Variants in EIF2AK4 observed in about 807,000 individuals in gnomAD.
EIF2AK4 encodes the protein eukaryotic translation initiation factor 2 alpha kinase 4.
Under a neutral mutation model 211.1 loss-of-function variants are expected in EIF2AK4, and 139 were observed. That is an observed-to-expected ratio of 0.66 (90% confidence interval 0.57 to 0.76). The LOEUF is 0.76. Among genes scored for constraint, EIF2AK4 ranks in the 30% least tolerant of loss-of-function variants. EIF2AK4 has a pLI of 0.00. For synonymous variants in EIF2AK4, 710 were observed against 751.3 expected, an observed-to-expected ratio of 0.94 and a Z score of 0.90; for missense variants, 1,664 against 2,043.8, an observed-to-expected ratio of 0.81 and a Z score of 3.58.
intron 32 of EIF2AK4, 23 bp from the exon 33 acceptor site, chr15:40,025,950 TGATA>T (rs1371023271): frequency 6.2e-7 from 1 of 1,606,950 alleles, no homozygotes; most frequent in Admixed American, 1.7e-5. Context: ...AACCTCCAAA[TGATA>T]GATCCGTTTC....
intron 27 of EIF2AK4, among the ~76,000 whole-genome samples, chr15:40,015,067 AC>A (rs2035286508): frequency 1.3e-5 from 2 of 152,236 alleles, no homozygotes; most frequent in Admixed American, 6.5e-5. Context: ...GATTTCATTG[AC>A]CACATCATTA....
At chr15:39,977,972 G>C (rs1417888045) in intron 12 of EIF2AK4, 106 bp from the exon 13 acceptor site, 1 of 685,542 alleles carries the variant, frequency 1.5e-6, no homozygotes, top group African/African-American at 1.8e-5. Flanking sequence ...TGGGCTCATG[G>C]TGTGATGTCT....
At chr15:39,973,315 T>C (rs1022762313) in intron 10 of EIF2AK4, among the ~76,000 whole-genome samples, 18 of 152,196 alleles carry the variant, frequency 1.2e-4, no homozygotes, top group African/African-American at 4.1e-4. Context: ...CGGTAGAGAT[T>C]GGGATGGATC....
At chr15:40,012,317 G>A (rs1204272217) in intron 27 of EIF2AK4, among the ~76,000 whole-genome samples, 6 of 152,186 alleles carry the variant, frequency 3.9e-5, no homozygotes, top group Admixed American at 6.5e-5. Flanking sequence ...AGGGCACACG[G>A]AAACCAGAGT....
chr15:40,015,329 A>G (rs1279026333), intron 27 of EIF2AK4, among the ~76,000 whole-genome samples: 1 of 152,216 alleles, frequency 6.6e-6, no homozygotes, highest in Non-Finnish European at 1.5e-5. Context: ...AAGAGGTTTA[A>G]TGAACTCACA....
chr15:39,990,461 G>T, intron 16 of EIF2AK4, 84 bp downstream of exon 16: 5 of 1,159,742 alleles, frequency 4.3e-6, no homozygotes, highest in South Asian at 1.3e-5. Context: ...ATAGAATAGT[G>T]CGTTCACAGA....
intron 36 of EIF2AK4, 144 bp from the exon 37 acceptor site, chr15:40,032,613 G>A (rs1160602553): frequency 5.7e-6 from 4 of 696,120 alleles, no homozygotes; most frequent in Non-Finnish European, 9.7e-6. Context: ...TCTTATCACT[G>A]CACAGTTCAT....
rs1413625185 is a variant in EIF2AK4, at chr15:40,017,138, G to A, written c.3961G>A (p.Val1321Met). Residue 1321 changes from valine (V) to methionine (M), a missense_variant, in exon 29 of 39, where the codon GTG becomes ATG. Physicochemically the swap from Val to Met is conservative, Grantham distance 21. This residue lies in a region of EIF2AK4 where 622 missense variants were observed against 796.8 expected (regional missense o/e 0.78). Transcript: ENST00000263791. ...VLINLGLVYK[V>M]QQHNGIIFQF... ...GATCAATTTGGGCTTGGTTTACAAGGTGCAGCAGCACAATGGAATCATCTT... is the reference window on the plus strand; with the variant it reads ...GATCAATTTGGGCTTGGTTTACAAGATGCAGCAGCACAATGGAATCATCTT... 1.9e-6 allele frequency: 3 copies of A among 1,613,782 alleles called. No homozygotes were observed. Among genetic ancestry groups the A allele is most frequent in the Non-Finnish European group, 2.5e-6 (3 of 1,179,848 alleles).
At chr15:39,935,071 C>T (rs1018226352) in intron 1 of EIF2AK4, among the ~76,000 whole-genome samples, 1 of 152,132 alleles carries the variant, frequency 6.6e-6, no homozygotes, top group African/African-American at 2.4e-5. Flanking sequence ...AAAAAAACCT[C>T]AATGTTTTAA....
rs764501034 is a variant in EIF2AK4 at position 39,976,686 on chromosome 15, G to C, written c.2091G>C (p.Glu697Asp). 1.2e-6 allele frequency: 2 copies of C among 1,601,614 alleles called. No individual in the cohort carries two copies. The highest frequency in any genetic ancestry group is 1.7e-6 in the Non-Finnish European group (2 of 1,177,428). The change falls in exon 12 of 39, where the codon GAG becomes GAC. Residue 697 changes from glutamate (E) to aspartate (D), a missense_variant. Physicochemically the swap from Glu to Asp is conservative, Grantham distance 45. Coordinates refer to ENST00000263791, the MANE Select transcript of EIF2AK4 (RefSeq NM_001013703.4). ...ASDTDGLDSV[E>D]AAAPPPILSS... ...ACACAGACGGCCTGGACAGCGTAGA[G>C]GCCGCCGCGCCGCCACCCATCCTCA...
At chr15:39,977,016 C>T (rs1247075113) in intron 12 of EIF2AK4, 172 bp downstream of exon 12, 1 of 774,260 alleles carries the variant, frequency 1.3e-6, no homozygotes, top group Non-Finnish European at 1.8e-6. Flanking sequence ...AGTGGCGCGT[C>T]CTTGGCTGCA....
rs1385806455 is a variant in EIF2AK4, at chr15:39,969,784, G to A, written c.1553+1905G>A. Among the ~76,000 whole-genome samples, 3 of 152,240 alleles carry A rather than the reference G, an allele frequency of 2.0e-5. No homozygotes were observed. The East Asian group carries it at 5.8e-4, about 29-fold the overall frequency. On this transcript the variant is annotated intron_variant, in intron 9 of 38. Transcript: ENST00000263791. The stretch of plus-strand genomic sequence containing the variant: ...CTGTTTTTATGAACTTTGCTGTCCA[G>A]CCCTGGTTAACAAAAGAAAAATGCC...
chr15:39,974,387 T>G (rs1479534780), intron 11 of EIF2AK4: 5 of 152,260 alleles, frequency 3.3e-5, no homozygotes, highest in Non-Finnish European at 5.9e-5. Flanking sequence ...TAAGTCCATA[T>G]ACAGTACATG....
intron 7 of EIF2AK4, among the ~76,000 whole-genome samples, chr15:39,963,135 A>G (rs2034495714): frequency 6.6e-6 from 1 of 152,230 alleles, no homozygotes; most frequent in East Asian, 1.9e-4. Context: ...GCAGACACAC[A>G]GCAGCCTGGA....
chr15:40,020,994 C>T lies in EIF2AK4; in HGVS notation c.4269C>T (p.Gly1423=). 1 of 1,613,754 alleles carries T rather than the reference C, an allele frequency of 6.2e-7. No homozygotes were observed. The highest frequency in any genetic ancestry group is 8.5e-7 in the Non-Finnish European group (1 of 1,179,860). ...TAACCCAGAAACTCTGGACAGCAGG[C>T]ATCACAGCAGAAATCATGTACGACT... ...INLTQKLWTA[G]ITAEIMYDWS... Residue 1423 remains glycine, a synonymous_variant, in exon 31 of 39, where the codon GGC becomes GGT. Coordinates refer to ENST00000263791, the MANE Select transcript of EIF2AK4 (RefSeq NM_001013703.4).
chr15:39,976,604 C>G lies in EIF2AK4; in HGVS notation c.2009C>G (p.Pro670Arg). Residue 670 changes from proline (P) to arginine (R), a missense_variant, in exon 12 of 39, where the codon CCG becomes CGG. By Grantham distance (103) the Pro-to-Arg change is moderately radical. Around this residue, in one of 7 missense-constraint regions of EIF2AK4, gnomAD observed 206 missense variants for 201.9 expected, o/e 1.02. Coordinates refer to ENST00000263791, the MANE Select transcript of EIF2AK4 (RefSeq NM_001013703.4). The stretch of plus-strand genomic sequence containing the variant: ...CCGGCGGGACCGGGGACGCCGCCCC[C>G]GGACTCCGGGCCCCTGGCCAAGGAT... ...ERPAGPGTPPPDSGPLAKDDR... is the reference protein window; with the variant it reads ...ERPAGPGTPPRDSGPLAKDDR... 1 of 1,608,366 alleles carries G rather than the reference C, an allele frequency of 6.2e-7. No individual in the cohort carries two copies. Among genetic ancestry groups the G allele is most frequent in the Admixed American group, 1.7e-5 (1 of 59,706 alleles).
In EIF2AK4 at chr15:39,967,838, C is replaced by A. The variant is rs1311866275; in HGVS notation, c.1512C>A (p.Ile504=). The A allele has an allele frequency of 1.2e-6, 2 of 1,613,964 alleles. No homozygotes were observed. The highest frequency in any genetic ancestry group is 2.7e-5 in the African/African-American group (2 of 74,908). The change falls in exon 9 of 39, where the codon ATC becomes ATA. Residue 504 remains isoleucine (I), a synonymous_variant. Transcript: ENST00000263791. ...AATGTGGAGAGTACCCTGTGACCATCCCTAGTGACTTACCAGCTGACTTTC... is the reference window on the plus strand; with the variant it reads ...AATGTGGAGAGTACCCTGTGACCATACCTAGTGACTTACCAGCTGACTTTC... ...GQECGEYPVT[I]PSDLPADFQD...
At chr15:40,006,920 G>A (rs954042910) in intron 23 of EIF2AK4, 96 bp from the exon 24 acceptor site, 2 of 922,592 alleles carry the variant, frequency 2.2e-6, no homozygotes, top group Admixed American at 2.3e-5. Flanking sequence ...CTTTAAAGGG[G>A]TGAACTTTAT....
chr15:39,983,134 A>G (rs2034817145), intron 13 of EIF2AK4, among the ~76,000 whole-genome samples: 1 of 152,206 alleles, frequency 6.6e-6, no homozygotes, highest in Non-Finnish European at 1.5e-5. Context: ...GTCTTCCACA[A>G]TGGTTGAACT....
Sources: gnomAD v4.1 joint callset for allele counts (sites outside exome capture counted in the v4.1 genomes callset) on GRCh38, gnomAD v4.1.1 for gene constraint, gnomAD v4.1.1 regional missense constraint, MANE v1.5 for transcripts, NCBI Gene and HGNC (gene_info 2026-07-23, HGNC 2026-07-21) for gene names.